Variants in CALN1 observed in about 807,000 individuals in gnomAD.
CALN1 encodes the protein calcium-binding protein 8.
CALN1 carries 17 observed loss-of-function variants against 30.6 expected under a neutral mutation model. The ratio of observed to expected loss-of-function variants is 0.56; its 90% confidence interval spans 0.38 to 0.83. CALN1 has a LOEUF of 0.83. CALN1 is among the 40% of genes least tolerant of loss of function. The pLI is 0.00. For synonymous variants in CALN1, 156 were observed against 131.4 expected (o/e 1.19, Z -1.28); for missense variants, 291 against 354.9 (o/e 0.82, Z 1.45).
intron 4 of CALN1, among the ~76,000 whole-genome samples, chr7:72,045,012 C>G (rs991529623): frequency 3.3e-5 from 5 of 152,156 alleles, no homozygotes; most frequent in African/African-American, 1.2e-4. Context: ...GATTAAGAGG[C>G]AAGGAGATAC....
At chr7:72,135,785 A>G (rs886219862) in intron 3 of CALN1, among the ~76,000 whole-genome samples, 1 of 152,182 alleles carries the variant, frequency 6.6e-6, no homozygotes, top group Non-Finnish European at 1.5e-5. Flanking sequence ...GAAGCCAGGC[A>G]TTGACTTCTC....
chr7:72,192,447 G>A, intron 3 of CALN1, among the ~76,000 whole-genome samples: 1 of 152,108 alleles, frequency 6.6e-6, no homozygotes, highest in East Asian at 1.9e-4. Flanking sequence ...TCTGCCTAGA[G>A]GCTGGATTTT....
At chr7:72,302,346 A>T (rs1799327364) in intron 2 of CALN1, among the ~76,000 whole-genome samples, 1 of 152,218 alleles carries the variant, frequency 6.6e-6, no homozygotes, top group Non-Finnish European at 1.5e-5. Flanking sequence ...AGGAACGGAC[A>T]ACGTTTTAAT....
intron 3 of CALN1, among the ~76,000 whole-genome samples, chr7:72,193,456 G>A (rs539802191): frequency 6.6e-6 from 1 of 152,314 alleles, no homozygotes; most frequent in Admixed American, 6.5e-5. Context: ...TGCCATTGTA[G>A]GAAGACACAG....
At chr7:71,976,698 A>G (rs1562950367) in intron 5 of CALN1, among the ~76,000 whole-genome samples, 1 of 152,220 alleles carries the variant, frequency 6.6e-6, no homozygotes, top group Non-Finnish European at 1.5e-5. Flanking sequence ...GTGAATGGAA[A>G]TTCTTGAGTC....
intron 4 of CALN1, among the ~76,000 whole-genome samples, chr7:72,075,287 G>A (rs1804656473): frequency 6.6e-6 from 1 of 152,202 alleles, no homozygotes; most frequent in Non-Finnish European, 1.5e-5. Flanking sequence ...CACCCTCACA[G>A]CAACATCTAG....
intron 5 of CALN1, among the ~76,000 whole-genome samples, chr7:71,968,212 C>A (rs1165803103): frequency 6.6e-6 from 1 of 152,044 alleles, no homozygotes; most frequent in Non-Finnish European, 1.5e-5. Flanking sequence ...AAAAAAGAAA[C>A]AGACTCGTAA....
At chr7:72,208,453 A>G (rs910108969) in intron 3 of CALN1, among the ~76,000 whole-genome samples, 2 of 152,254 alleles carry the variant, frequency 1.3e-5, no homozygotes, top group East Asian at 3.8e-4. Flanking sequence ...ACAGCCACTC[A>G]GGCATGTCCA....
At chr7:72,458,679 T>A in the CALN1 span, among the ~76,000 whole-genome samples, 2 of 25,774 alleles carry the variant, frequency 7.8e-5, no homozygotes, top group Non-Finnish European at 1.1e-4. Context: ...CTATATTATA[T>A]AATATATTTT....
rs34370568 is a variant in CALN1, at chr7:71,949,044, TAAAAAAAAAAA to T, written c.501+74602_501+74612del. ...AGTCACACAGCAAGACTCTGTCTCT[TAAAAAAAAAAA>T]AAAAAAAAAAAAAAAAAGAATTTGT... On this transcript the variant is annotated intron_variant, in intron 5 of 6. Coordinates refer to ENST00000395275, the MANE Select transcript of CALN1 (RefSeq NM_031468.4). Among the ~76,000 whole-genome samples, 17 of 66,906 alleles carry T rather than the reference TAAAAAAAAAAA, an allele frequency of 2.5e-4. No individual in the cohort carries two copies. In the Admixed American group the frequency reaches 4.3e-3, roughly 17 times the overall value. The allele number at this position is 66,906 out of a possible 152,430, so 43.9% of individuals were successfully genotyped here.
At chr7:72,102,413 G>A (rs1584945237) in intron 4 of CALN1, among the ~76,000 whole-genome samples, 1 of 152,002 alleles carries the variant, frequency 6.6e-6, no homozygotes, top group East Asian at 1.9e-4. Context: ...CCACTGCACT[G>A]CAGCCTGGGC....
the CALN1 span, among the ~76,000 whole-genome samples, chr7:72,493,293 T>C: frequency 1.3e-5 from 2 of 152,260 alleles, no homozygotes; most frequent in African/African-American, 4.8e-5. Context: ...ATGGCCTCTT[T>C]CATTTAGCAT....
intron 2 of CALN1, among the ~76,000 whole-genome samples, chr7:72,380,838 T>C (rs1263690410): frequency 6.6e-6 from 1 of 152,076 alleles, no homozygotes; most frequent in Admixed American, 6.5e-5. Context: ...CAAGACTCTG[T>C]CTCAAAAAGA....
intron 2 of CALN1, among the ~76,000 whole-genome samples, chr7:72,348,062 C>T (rs946807490): frequency 1.1e-4 from 16 of 151,910 alleles, no homozygotes; most frequent in Middle Eastern, 3.2e-3. Flanking sequence ...ACCTAGGAAG[C>T]GAAGGTTGCA....
intron 3 of CALN1, among the ~76,000 whole-genome samples, chr7:72,229,378 G>A (rs1464932773): frequency 6.6e-6 from 1 of 152,022 alleles, no homozygotes; most frequent in Non-Finnish European, 1.5e-5. Flanking sequence ...CCAGCACTTG[G>A]GAGGCTGAGG....
At chr7:72,320,346 G>A (rs1800785899) in intron 2 of CALN1, among the ~76,000 whole-genome samples, 1 of 152,156 alleles carries the variant, frequency 6.6e-6, no homozygotes, top group South Asian at 2.1e-4. Context: ...AGTGAGTCGA[G>A]CCTGAAGTGC....
chr7:72,180,021 C>T (rs950327509), intron 3 of CALN1, among the ~76,000 whole-genome samples: 2 of 152,176 alleles, frequency 1.3e-5, no homozygotes, highest in Non-Finnish European at 2.9e-5. Flanking sequence ...ACAAACAAGG[C>T]ACACATGTTG....
At chr7:72,037,184 A>G (rs1176546873) in intron 4 of CALN1, among the ~76,000 whole-genome samples, 1 of 151,352 alleles carries the variant, frequency 6.6e-6, no homozygotes, top group African/African-American at 2.4e-5. Flanking sequence ...GCAGTCTCGC[A>G]CTGTCACCCA....
At chr7:72,355,033 G>A (rs555256566) in intron 2 of CALN1, among the ~76,000 whole-genome samples, 160 of 151,774 alleles carry the variant, frequency 1.1e-3, no homozygotes, top group Non-Finnish European at 1.7e-3. Context: ...ACTCAGCCCC[G>A]GAATAGCTGG....
Sources: gnomAD v4.1 joint callset for allele counts (sites outside exome capture counted in the v4.1 genomes callset) on GRCh38, gnomAD v4.1.1 for gene constraint, MANE v1.5 for transcripts, NCBI Gene and HGNC (gene_info 2026-07-23, HGNC 2026-07-21) for gene names.